UNC80: variants seen among roughly 807,000 people sequenced by gnomAD.
The protein encoded by UNC80 is unc-80 subunit of NALCN channel complex, also known as protein unc-80 homolog.
In UNC80, 164 loss-of-function variants were observed where a neutral mutation model predicts 384.6. The observed-to-expected ratio is 0.43, with a 90% CI of 0.38 to 0.49. The LOEUF (loss-of-function observed/expected upper bound fraction) is 0.49, where lower values mean the gene tolerates loss of function less well. Ranked by LOEUF, UNC80 falls within the 20% of genes least tolerant of loss-of-function variation. The pLI, the probability that UNC80 is intolerant of heterozygous loss-of-function variation, is 0.00. For missense variants in UNC80, 3,330 were observed against 4,143.0 expected (o/e 0.80, Z 5.39); for synonymous variants, 1,486 against 1,527.8 (o/e 0.97, Z 0.64).
chr2:209,945,636 A>G (rs1443158890), intron 46 of UNC80, among the ~76,000 whole-genome samples: 2 of 152,178 alleles, frequency 1.3e-5, no homozygotes, highest in African/African-American at 4.8e-5. Flanking sequence ...CCAGAAAAGT[A>G]TTTTTATTTT....
In UNC80 at chr2:209,995,699, C is replaced by A; in HGVS notation, c.*104C>A. On this transcript the variant is annotated 3_prime_UTR_variant, in exon 65 of 65. Coordinates refer to ENST00000673920, the MANE Select transcript of UNC80 (RefSeq NM_001371986.1). ...GAAAAAGATTAATTACAAAATAGCA[C>A]TTTACTTCTAATGGGTGGCACAAAT... 1 of 1,345,624 alleles carries A rather than the reference C, an allele frequency of 7.4e-7. No homozygotes were observed. The highest frequency in any genetic ancestry group is 1.0e-6 in the Non-Finnish European group (1 of 996,036). The allele number at this position is 1,345,624 out of a possible 1,614,324, so 83.4% of individuals were successfully genotyped here.
chr2:209,929,265 G>C (rs1048880618), intron 36 of UNC80, among the ~76,000 whole-genome samples: 1 of 152,066 alleles, frequency 6.6e-6, no homozygotes, highest in African/African-American at 2.4e-5. Context: ...CTTAGTCTGG[G>C]TACTTCTAGA....
Position 209,993,397 on chromosome 2 carries a change from G to A in UNC80, c.9479G>A (p.Arg3160Lys). The stretch of plus-strand genomic sequence containing the variant: ...GGGGCTCGGCTGTCAACCACTCGCA[G>A]GAGCATTCAACCTAAAACGAAGCCG... ...RQGARLSTTR[R>K]SIQPKTKPSA... The change falls in exon 63 of 65, where the codon AGG (arginine) becomes AAG (lysine). Residue 3160 changes from arginine (R) to lysine (K), a missense_variant. Around this residue, in one of 8 missense-constraint regions of UNC80, gnomAD observed 236 missense variants for 254.9 expected, o/e 0.93. Coordinates refer to ENST00000673920, the MANE Select transcript of UNC80 (RefSeq NM_001371986.1). The A allele has an allele frequency of 6.4e-7, 1 of 1,551,676 alleles. No homozygotes were observed. Among genetic ancestry groups the A allele is most frequent in the Non-Finnish European group, 8.7e-7 (1 of 1,146,932 alleles).
chr2:209,906,737 A>G (rs1441985087), intron 29 of UNC80, among the ~76,000 whole-genome samples: 1 of 152,198 alleles, frequency 6.6e-6, no homozygotes, highest in Non-Finnish European at 1.5e-5. Context: ...AAAAAAGTAA[A>G]TACGTTTGTG....
intron 47 of UNC80, among the ~76,000 whole-genome samples, chr2:209,946,295 A>T (rs2091911353): frequency 6.6e-6 from 1 of 151,878 alleles, no homozygotes; most frequent in South Asian, 2.1e-4. Context: ...GCTTAATCCC[A>T]GGCGGTCAAG....
intron 14 of UNC80, among the ~76,000 whole-genome samples, chr2:209,828,989 C>G (rs2080755453): frequency 6.6e-6 from 1 of 152,072 alleles, no homozygotes; most frequent in South Asian, 2.1e-4. Context: ...AGCATTAGAC[C>G]TTAGCTTTGA....
chr2:209,935,683 G>A (rs370247673), intron 39 of UNC80, 31 bp from the exon 40 acceptor site: 4 of 1,224,232 alleles, frequency 3.3e-6, no homozygotes, highest in Non-Finnish European at 4.4e-6. Context: ...TATAGTAAAA[G>A]TCAGTTTGTT....
In UNC80 at chr2:209,970,814, G is replaced by T; in HGVS notation, c.8131-18G>T. The T allele has an allele frequency of 6.4e-7, 1 of 1,550,658 alleles. No individual in the cohort carries two copies. The highest frequency in any genetic ancestry group is 8.7e-7 in the Non-Finnish European group (1 of 1,146,530). On this transcript the variant is annotated intron_variant, in intron 53 of 64. Coordinates refer to ENST00000673920, the MANE Select transcript of UNC80 (RefSeq NM_001371986.1). Reference sequence around the variant, plus strand: ...TTGCAATAGTCAAGGCTGGTCATGTGCTCTGTTTGTATTTCAGGTGATGGG... The same window carrying T: ...TTGCAATAGTCAAGGCTGGTCATGTTCTCTGTTTGTATTTCAGGTGATGGG...
chr2:209,912,102 C>T (rs1336018727), intron 29 of UNC80, among the ~76,000 whole-genome samples: 1 of 152,100 alleles, frequency 6.6e-6, no homozygotes, highest in Non-Finnish European at 1.5e-5. Flanking sequence ...CCTTTATGAC[C>T]AAGTCATTCA....
intron 48 of UNC80, among the ~76,000 whole-genome samples, chr2:209,956,330 G>A (rs1032380209): frequency 0.088 from 3 of 34 alleles, no homozygotes; most frequent in African/African-American, 0.17. Context: ...GTTTCTCAAG[G>A]TGGAAGTCAA....
chr2:209,987,772 G>A (rs1048967893), intron 61 of UNC80, among the ~76,000 whole-genome samples: 1 of 151,638 alleles, frequency 6.6e-6, no homozygotes, highest in Non-Finnish European at 1.5e-5. Flanking sequence ...TATAGTCTAG[G>A]TGAAAAGAAA....
At chr2:209,844,900 C>T (rs1392510425) in intron 21 of UNC80, among the ~76,000 whole-genome samples, 1 of 151,728 alleles carries the variant, frequency 6.6e-6, no homozygotes, top group East Asian at 1.9e-4. Flanking sequence ...ACCATGCCTG[C>T]CCTAATATTT....
At chr2:209,782,446 A>G (rs780634790) in intron 4 of UNC80, among the ~76,000 whole-genome samples, 1 of 152,084 alleles carries the variant, frequency 6.6e-6, no homozygotes, top group African/African-American at 2.4e-5. Context: ...TTTGAGATCC[A>G]TCTTTCCCTC....
chr2:209,957,597 C>CTGT (rs755073688), intron 48 of UNC80, 47 bp from the exon 49 acceptor site: 1 of 1,421,450 alleles, frequency 7.0e-7, no homozygotes, highest in Non-Finnish European at 9.7e-7. Context: ...GTTTCCATTT[C>CTGT]TGTTGTTGTT....
At chr2:209,979,622 C>T (rs1446310839) in intron 59 of UNC80, among the ~76,000 whole-genome samples, 1 of 152,192 alleles carries the variant, frequency 6.6e-6, no homozygotes, top group Non-Finnish European at 1.5e-5. Flanking sequence ...AGAAATACTA[C>T]ATATGTATGC....
At chr2:209,958,726 A>C (rs2092494264) in intron 49 of UNC80, among the ~76,000 whole-genome samples, 1 of 152,186 alleles carries the variant, frequency 6.6e-6, no homozygotes, top group African/African-American at 2.4e-5. Context: ...TAAAGCAATA[A>C]GTCTCCAGAA....
At chr2:209,835,308 G>T (rs2081265767) in intron 18 of UNC80, among the ~76,000 whole-genome samples, 1 of 152,146 alleles carries the variant, frequency 6.6e-6, no homozygotes, top group Non-Finnish European at 1.5e-5. Context: ...TACCAGGTGG[G>T]CTGGGAGTGT....
intron 23 of UNC80, among the ~76,000 whole-genome samples, chr2:209,877,069 C>A (rs942980487): frequency 1.3e-5 from 2 of 152,168 alleles, no homozygotes; most frequent in African/African-American, 4.8e-5. Context: ...TTTGCTCTTA[C>A]TTAAACACAG....
At chr2:209,911,481 T>C (rs2088934668) in intron 29 of UNC80, among the ~76,000 whole-genome samples, 1 of 152,178 alleles carries the variant, frequency 6.6e-6, no homozygotes, top group Non-Finnish European at 1.5e-5. Flanking sequence ...TAAAAGTTGG[T>C]TCTATACTCG....
Sources: allele counts gnomAD v4.1 joint callset (sites outside exome capture counted in the v4.1 genomes callset), GRCh38; gene constraint gnomAD v4.1.1; regional missense constraint gnomAD v4.1.1; transcripts MANE v1.5; gene names NCBI Gene and HGNC (gene_info 2026-07-23, HGNC 2026-07-21).